The following MYO9A variants were observed in gnomAD, a reference collection of about 807,000 sequenced individuals.
MYO9A encodes the protein unconventional myosin-IXa.
In MYO9A, 103 loss-of-function variants were observed where a neutral mutation model predicts 293.3. That is an observed-to-expected ratio of 0.35 (90% CI 0.30 to 0.41). The LOEUF (loss-of-function observed/expected upper bound fraction) is 0.41. MYO9A is among the 10% of genes least tolerant of loss of function. The pLI is 1.00. For synonymous variants in MYO9A, 1,001 were observed against 1,035.7 expected (o/e 0.97, Z 0.64); for missense variants, 2,685 against 3,033.0 (o/e 0.89, Z 2.69).
chr15:71,853,711 C>T (rs1234806389), intron 35 of MYO9A, among the ~76,000 whole-genome samples: 2 of 152,174 alleles, frequency 1.3e-5, no homozygotes, highest in Non-Finnish European at 2.9e-5. Flanking sequence ...CAGAGTCAGT[C>T]CCCTGCATGA....
intron 2 of MYO9A, among the ~76,000 whole-genome samples, chr15:72,039,274 C>T (rs1485913289): frequency 1.3e-5 from 2 of 152,060 alleles, no homozygotes; most frequent in East Asian, 1.9e-4. Context: ...ACCATCCATA[C>T]TTTTCAAGTA....
intron 1 of MYO9A, among the ~76,000 whole-genome samples, chr15:72,087,511 G>A (rs886560501): frequency 1.8e-4 from 27 of 152,196 alleles, no homozygotes; most frequent in African/African-American, 6.3e-4. Context: ...AGAGCATACC[G>A]TTCCTTGCCA....
At chr15:71,952,079 C>A (rs1054475457) in intron 14 of MYO9A, among the ~76,000 whole-genome samples, 183 bp from the exon 15 acceptor site, 1 of 151,968 alleles carries the variant, frequency 6.6e-6, no homozygotes, top group Non-Finnish European at 1.5e-5. Context: ...TTAAAAATAA[C>A]AGGAAAAAAT....
At chr15:71,943,565 T>C (rs2058833826) in intron 15 of MYO9A, among the ~76,000 whole-genome samples, 1 of 152,086 alleles carries the variant, frequency 6.6e-6, no homozygotes. Context: ...GTTAAACATA[T>C]ATATGTTAAA....
intron 39 of MYO9A, among the ~76,000 whole-genome samples, chr15:71,843,457 T>C (rs984378145): frequency 1.3e-5 from 2 of 152,054 alleles, no homozygotes; most frequent in Non-Finnish European, 2.9e-5. Context: ...AATAAATAAA[T>C]AGATTAGTCT....
At chr15:71,864,513 A>G (rs1365826768) in intron 32 of MYO9A, among the ~76,000 whole-genome samples, 1 of 152,236 alleles carries the variant, frequency 6.6e-6, no homozygotes, top group Non-Finnish European at 1.5e-5. Context: ...TGTACGTCCA[A>G]GAAAAAACCT....
chr15:72,101,167 T>A (rs1393084079), intron 1 of MYO9A, among the ~76,000 whole-genome samples: 2 of 68,594 alleles, frequency 2.9e-5, no homozygotes, highest in African/African-American at 1.2e-4. Flanking sequence ...AGGTGAGGGG[T>A]GCCTCTGCCT....
chr15:71,843,539 C>T (rs1368566313), intron 39 of MYO9A, among the ~76,000 whole-genome samples: 2 of 152,140 alleles, frequency 1.3e-5, no homozygotes, highest in African/African-American at 4.8e-5. Context: ...CTCAGGCTGG[C>T]GTGCAGTGGT....
At chr15:72,101,472 T>G (rs1596576098) in intron 1 of MYO9A, among the ~76,000 whole-genome samples, 2 of 92,844 alleles carry the variant, frequency 2.2e-5, no homozygotes, top group African/African-American at 4.3e-5. Flanking sequence ...GGTGGCGGGG[T>G]CAGCCCCCCG....
At chr15:72,063,492 C>CT (rs1160045775) in intron 1 of MYO9A, among the ~76,000 whole-genome samples, 2 of 152,152 alleles carry the variant, frequency 1.3e-5, no homozygotes, top group Non-Finnish European at 2.9e-5. Flanking sequence ...TATGTGCAAA[C>CT]TGTCTATCTG....
chr15:72,032,536 T>C lies in MYO9A; in HGVS notation c.893A>G (p.Lys298Arg), dbSNP rs2077905975. 1.2e-6 allele frequency: 2 copies of C among 1,610,014 alleles called. No individual in the cohort carries two copies. Among genetic ancestry groups the C allele is most frequent in the Non-Finnish European group, 1.7e-6 (2 of 1,178,364 alleles). The change falls in exon 3 of 42, where the codon AAG becomes AGG. Residue 298 changes from lysine (K) to arginine (R), a missense_variant. Lys to Arg is a conservative substitution (Grantham distance 26). Coordinates refer to ENST00000356056, the MANE Select transcript of MYO9A (RefSeq NM_006901.4). Reference sequence around the variant, plus strand: ...TTCCTGGTAATTTACTTGAATAAACTTCCCAAAACGACTTGAATTGTTATT... The same window carrying C: ...TTCCTGGTAATTTACTTGAATAAACCTCCCAAAACGACTTGAATTGTTATT... ...AHNNNSSRFG[K>R]FIQVNYQETG...
intron 12 of MYO9A, among the ~76,000 whole-genome samples, chr15:71,968,562 T>C (rs1462786288): frequency 1.3e-5 from 2 of 152,238 alleles, no homozygotes; most frequent in Non-Finnish European, 2.9e-5. Flanking sequence ...TTCCTGTTCC[T>C]ACATGCATAA....
In MYO9A at chr15:71,967,142, T is replaced by C. The variant is rs137954808; in HGVS notation, c.1986+842A>G. On this transcript the variant is annotated intron_variant, in intron 13 of 41. Coordinates refer to ENST00000356056, the MANE Select transcript of MYO9A (RefSeq NM_006901.4). Reference sequence around the variant, plus strand: ...TTCACAAATTCAAAATCCACTATTTTACTACTTTCTCTCATAGGACCCATT... The same window carrying C: ...TTCACAAATTCAAAATCCACTATTTCACTACTTTCTCTCATAGGACCCATT... Among the ~76,000 whole-genome samples, 315 of 152,318 alleles carry C rather than the reference T, an allele frequency of 2.1e-3. 3 individuals carry two copies. The highest frequency in any genetic ancestry group is 7.5e-3 in the African/African-American group (311 of 41,570).
chr15:72,026,866 A>G (rs879831575), intron 4 of MYO9A, among the ~76,000 whole-genome samples: 1 of 152,202 alleles, frequency 6.6e-6, no homozygotes, highest in Non-Finnish European at 1.5e-5. Flanking sequence ...AAATTCCTAG[A>G]AAGATAAAAA....
chr15:71,925,500 G>T (rs1459980034), intron 18 of MYO9A, among the ~76,000 whole-genome samples: 1 of 151,340 alleles, frequency 6.6e-6, no homozygotes, highest in African/African-American at 2.4e-5. Flanking sequence ...GTCTGTTTTG[G>T]TGGTTTTCTG....
chr15:71,847,665 C>T (rs2055447931), intron 39 of MYO9A, among the ~76,000 whole-genome samples: 2 of 152,202 alleles, frequency 1.3e-5, no homozygotes, highest in African/African-American at 4.8e-5. Flanking sequence ...TGGATAGCCA[C>T]CACTAAATTG....
chr15:71,902,902 G>A, intron 22 of MYO9A, 39 bp downstream of exon 22: 2 of 1,402,092 alleles, frequency 1.4e-6, no homozygotes, highest in African/African-American at 1.5e-5. Flanking sequence ...TTAAATAAAT[G>A]CACTCAATTT....
intron 19 of MYO9A, among the ~76,000 whole-genome samples, chr15:71,910,271 C>T (rs913545817): frequency 1.3e-5 from 2 of 150,312 alleles, no homozygotes; most frequent in East Asian, 2.0e-4. Context: ...TATTTCCACA[C>T]CCCAACCAAG....
At chr15:72,063,558 C>G (rs1273409720) in intron 1 of MYO9A, among the ~76,000 whole-genome samples, 1 of 151,988 alleles carries the variant, frequency 6.6e-6, no homozygotes, top group African/African-American at 2.4e-5. Flanking sequence ...GGAAAAAAAT[C>G]TAAAAATCTG....
Sources: gnomAD v4.1 joint callset for allele counts (sites outside exome capture counted in the v4.1 genomes callset) on GRCh38, gnomAD v4.1.1 for gene constraint, MANE v1.5 for transcripts, NCBI Gene and HGNC (gene_info 2026-07-23, HGNC 2026-07-21) for gene names.